Variants in FANCB observed in about 807,000 individuals in gnomAD.
FANCB encodes the protein FA complementation group B.
A neutral mutation model predicts 38.9 loss-of-function variants in FANCB; 5 were observed. The ratio of observed to expected loss-of-function variants is 0.13; its 90% CI spans 0.07 to 0.27. The LOEUF is 0.27. Ranked by LOEUF, FANCB falls within the 10% of genes least tolerant of loss-of-function variation. The probability of loss-of-function intolerance (pLI) is 1.00; values close to 1 mark genes in which losing one functional copy is unlikely to be tolerated. For synonymous variants in FANCB, 236 were observed against 215.4 expected, an observed-to-expected ratio of 1.10 and a Z score of -0.84; for missense variants, 573 against 602.7, an observed-to-expected ratio of 0.95 and a Z score of 0.52.
At chrX:14,706,196 G>GCAGCAT in the FANCB span, among the ~76,000 whole-genome samples, 135 of 111,808 alleles carry the variant, frequency 1.2e-3, no homozygotes, top group African/African-American at 4.2e-3. Flanking sequence ...CTGTTGACCA[G>GCAGCAT]CAGCATCAGC....
the FANCB span, among the ~76,000 whole-genome samples, chrX:14,782,355 T>C: frequency 8.9e-6 from 1 of 111,878 alleles, no homozygotes; most frequent in East Asian, 2.8e-4. Context: ...TTTACCTTTC[T>C]TGTAAAATGA....
chrX:14,844,945 C>T lies in FANCB; in HGVS notation c.1838G>A (p.Arg613His), dbSNP rs144764663. ...AAAAACTCTGCCACACACAACATAACGATCTTTAGGACAGTTACCACTTTC... is the reference window on the plus strand; with the variant it reads ...AAAAACTCTGCCACACACAACATAATGATCTTTAGGACAGTTACCACTTTC... ...ERESGNCPKD[R>H]YVVCGRVFLS... is the part of the protein sequence containing the mutation. The change falls in exon 8 of 10, where the codon CGT (arginine) becomes CAT (histidine). Residue 613 changes from arginine (R) to histidine (H), a missense_variant. By Grantham distance (29) the Arg-to-His change is conservative. Coordinates refer to ENST00000650831, the MANE Select transcript of FANCB (RefSeq NM_001018113.3). 105 of 1,200,627 alleles carry T rather than the reference C, an allele frequency of 8.7e-5. No homozygotes were observed. The highest frequency in any genetic ancestry group is 4.0e-4 in the Admixed American group (18 of 44,960).
the FANCB span, among the ~76,000 whole-genome samples, chrX:14,734,240 G>T: frequency 2.7e-5 from 3 of 112,026 alleles, no homozygotes; most frequent in African/African-American, 9.7e-5. Context: ...AGTTAACTTG[G>T]ACTATTTCTT....
chrX:14,869,127 A>AAT (rs1417239700), intron 1 of FANCB, 84 bp from the exon 2 acceptor site: 1 of 111,940 alleles, frequency 8.9e-6, no homozygotes, highest in Non-Finnish European at 1.9e-5. Context: ...GTCCCATGTC[A>AAT]GGTTTCCTAG....
chrX:14,857,371 T>G (rs751294250), intron 5 of FANCB, among the ~76,000 whole-genome samples: 2 of 112,453 alleles, frequency 1.8e-5, no homozygotes, highest in Non-Finnish European at 3.8e-5. Flanking sequence ...ATCATTAGGT[T>G]TTTTTTATTT....
At chrX:14,811,930 A>C in the FANCB span, among the ~76,000 whole-genome samples, 94 of 111,864 alleles carry the variant, frequency 8.4e-4, no homozygotes, top group Middle Eastern at 9.1e-3. Context: ...CTCTCCTCAG[A>C]AAATGTAAAA....
chrX:14,729,935 T>C, the FANCB span, among the ~76,000 whole-genome samples: 2 of 112,127 alleles, frequency 1.8e-5, no homozygotes, highest in Non-Finnish European at 3.8e-5. Flanking sequence ...GGAAAGTCAG[T>C]ACTGAATATA....
chrX:14,791,383 G>A, the FANCB span, among the ~76,000 whole-genome samples: 2 of 111,555 alleles, frequency 1.8e-5, no homozygotes, highest in South Asian at 7.5e-4. Flanking sequence ...AATTGGGAGA[G>A]AGGACTAGAA....
chrX:14,690,659 T>G, the FANCB span: 1 of 774,728 alleles, frequency 1.3e-6, no homozygotes, highest in South Asian at 2.5e-5. Context: ...TAGTCTTTCT[T>G]TCTCTCTCTC....
At chrX:14,815,071 C>G in the FANCB span, among the ~76,000 whole-genome samples, 1 of 110,885 alleles carries the variant, frequency 9.0e-6, no homozygotes, top group Non-Finnish European at 1.9e-5. Context: ...ATCACAAGGA[C>G]AGAAAACCAA....
At chrX:14,823,499 T>C in the FANCB span, among the ~76,000 whole-genome samples, 1 of 112,228 alleles carries the variant, frequency 8.9e-6, no homozygotes, top group African/African-American at 3.2e-5. Context: ...TTACCTGGAA[T>C]GTTCAGTCCC....
chrX:14,834,718 CT>C, downstream of FANCB: 3 of 739,206 alleles, frequency 4.1e-6, no homozygotes, highest in Non-Finnish European at 4.2e-6. Context: ...GGTTTTGAGT[CT>C]TTTCCATTCT....
In FANCB at chrX:14,873,035, T is replaced by C. The variant is rs912731310; in HGVS notation, c.-241A>G. On this transcript the variant is annotated 5_prime_UTR_variant, in exon 1 of 10. An upstream start codon of the reference 5' UTR is lost. Transcript: ENST00000650831. ...AGGCCCCACGTCGATACGGTATCCATCTGCTCCAAACCTCCCGCCAGCGCG... is the reference window on the plus strand; with the variant it reads ...AGGCCCCACGTCGATACGGTATCCACCTGCTCCAAACCTCCCGCCAGCGCG... 1 of 147,372 alleles carries C rather than the reference T, an allele frequency of 6.8e-6. No homozygotes were observed. Among genetic ancestry groups the C allele is most frequent in the South Asian group, 1.6e-4 (1 of 6,156 alleles). The allele number at this position is 147,372 out of a possible 1,213,427, so 12.1% of individuals were successfully genotyped here. A position where few individuals can be genotyped will look rare whatever the true frequency, so the allele number is the denominator to read the frequency against.
chrX:14,771,351 TTTC>T, the FANCB span, among the ~76,000 whole-genome samples: 1 of 111,595 alleles, frequency 9.0e-6, no homozygotes, highest in African/African-American at 3.3e-5. Flanking sequence ...TTTTATCTCT[TTTC>T]TTGTCTGCCT....
the FANCB span, among the ~76,000 whole-genome samples, chrX:14,751,551 G>C: frequency 8.9e-6 from 1 of 111,759 alleles, no homozygotes; most frequent in Non-Finnish European, 1.9e-5. Context: ...TTGGATAGGG[G>C]TGTTAATTAC....
At chrX:14,702,134 G>C in the FANCB span, among the ~76,000 whole-genome samples, 1 of 111,904 alleles carries the variant, frequency 8.9e-6, no homozygotes, top group Admixed American at 9.4e-5. Flanking sequence ...TCAGATGTTA[G>C]AAACGACATG....
the FANCB span, among the ~76,000 whole-genome samples, chrX:14,816,684 T>C: frequency 8.9e-6 from 1 of 112,374 alleles, no homozygotes; most frequent in South Asian, 3.7e-4. Context: ...TCAGACATTA[T>C]CAAATGCTCC....
intron 5 of FANCB, among the ~76,000 whole-genome samples, chrX:14,853,788 C>T (rs954060251): frequency 1.8e-5 from 2 of 111,554 alleles, no homozygotes; most frequent in African/African-American, 6.5e-5. Flanking sequence ...TACAGCAATC[C>T]ATTCCTTTTA....
the FANCB span, among the ~76,000 whole-genome samples, chrX:14,811,346 G>T: frequency 1.8e-5 from 2 of 111,427 alleles, no homozygotes; most frequent in Non-Finnish European, 1.9e-5. Flanking sequence ...TGCACTAAAT[G>T]CTCCAATTAA....
Sources: allele counts gnomAD v4.1 joint callset (sites outside exome capture counted in the v4.1 genomes callset), GRCh38; gene constraint gnomAD v4.1.1; transcripts MANE v1.5; gene names NCBI Gene and HGNC (gene_info 2026-07-23, HGNC 2026-07-21).